HNF4G: variants seen among roughly 807,000 people sequenced by gnomAD.
HNF4G encodes hepatocyte nuclear factor 4 gamma, also known as hepatocyte nuclear factor 4-gamma.
In HNF4G, 21 loss-of-function variants were observed where a neutral mutation model predicts 50.9. The ratio of observed to expected loss-of-function variants is 0.41; its 90% confidence interval spans 0.29 to 0.59. The LOEUF (loss-of-function observed/expected upper bound fraction) is 0.59, where lower values mean the gene tolerates loss of function less well. Among genes scored for constraint, HNF4G ranks in the 20% least tolerant of loss-of-function variants. The pLI is 0.26. For synonymous variants in HNF4G, 198 were observed against 185.6 expected, an observed-to-expected ratio of 1.07 and a Z score of -0.54; for missense variants, 527 against 559.4, an observed-to-expected ratio of 0.94 and a Z score of 0.58.
chr8:75,417,945 AAATGTGTGTGTGTCTACACACAC>A (rs971918087), intron 1 of HNF4G, among the ~76,000 whole-genome samples: 2 of 148,988 alleles, frequency 1.3e-5, no homozygotes, highest in African/African-American at 2.5e-5. Context: ...AGTTAATTAT[AAATGTGTGTGTGTCTACACACAC>A]ACACACACAC....
At chr8:75,551,997 TAAC>T (rs776945306) in intron 4 of HNF4G, among the ~76,000 whole-genome samples, 18 of 152,154 alleles carry the variant, frequency 1.2e-4, no homozygotes, top group Non-Finnish European at 2.2e-4. Context: ...ATTTCTCAAA[TAAC>T]AGTTCTACAG....
At chr8:75,557,199 T>C (rs1289517711) in intron 6 of HNF4G, among the ~76,000 whole-genome samples, 3 of 152,238 alleles carry the variant, frequency 2.0e-5, no homozygotes, top group African/African-American at 4.8e-5. Flanking sequence ...TTACCCAGAA[T>C]AGTTAGGTAA....
chr8:75,420,970 A>C (rs1431278995), intron 1 of HNF4G, among the ~76,000 whole-genome samples: 1 of 152,264 alleles, frequency 6.6e-6, no homozygotes, highest in African/African-American at 2.4e-5. Context: ...CTAAAGCAGT[A>C]CTGGACAATG....
intron 1 of HNF4G, among the ~76,000 whole-genome samples, chr8:75,426,781 A>C (rs951058499): frequency 1.8e-4 from 28 of 152,322 alleles, no homozygotes; most frequent in African/African-American, 6.7e-4. Context: ...CGAAGAGGTA[A>C]TGATTGGCTA....
In HNF4G at chr8:75,462,685, C is replaced by T. The variant is rs192414442; in HGVS notation, c.-143-27404C>T. ...ATACAATCACAGAGATTAATGATCA[C>T]TACAATGATTACGGTAGTGTAATAT... On this transcript the variant is annotated intron_variant, in intron 1 of 10. Transcript: ENST00000354370. Among the ~76,000 whole-genome samples the T allele has an allele frequency of 1.2e-3, 186 of 152,164 alleles. 1 individual carries two copies. Among genetic ancestry groups the T allele is most frequent in the African/African-American group, 4.4e-3 (181 of 41,526 alleles).
chr8:75,485,701 C>T (rs533469356), intron 1 of HNF4G: 5 of 152,020 alleles, frequency 3.3e-5, no homozygotes, highest in Non-Finnish European at 7.4e-5. Context: ...AATTTTGTTC[C>T]TCAAACTCAC....
intron 2 of HNF4G, among the ~76,000 whole-genome samples, chr8:75,544,441 A>C (rs554353892): frequency 6.6e-6 from 1 of 152,270 alleles, no homozygotes; most frequent in South Asian, 2.1e-4. Context: ...TTTAAGTGCC[A>C]TTACATCCTA....
intron 2 of HNF4G, among the ~76,000 whole-genome samples, chr8:75,545,239 A>ATG (rs57486410): frequency 0.034 from 4,887 of 145,532 alleles, 89 homozygotes; most frequent in South Asian, 0.054. Flanking sequence ...TTAAAATTGA[A>ATG]TGTGTGTGTG....
chr8:75,487,258 T>A (rs958505197), intron 1 of HNF4G, among the ~76,000 whole-genome samples: 2 of 151,124 alleles, frequency 1.3e-5, no homozygotes, highest in African/African-American at 4.9e-5. Flanking sequence ...TATATTTTTT[T>A]ATTTTATTTA....
At chr8:75,423,934 C>T (rs1810835355) in intron 1 of HNF4G, among the ~76,000 whole-genome samples, 1 of 136,340 alleles carries the variant, frequency 7.3e-6, no homozygotes, top group African/African-American at 2.7e-5. Flanking sequence ...AGCAATTCTT[C>T]TGCCTCAGCC....
intron 1 of HNF4G, among the ~76,000 whole-genome samples, chr8:75,426,222 G>C (rs1219201201): frequency 6.6e-6 from 1 of 151,902 alleles, no homozygotes; most frequent in Non-Finnish European, 1.5e-5. Flanking sequence ...TACTGTTTTG[G>C]CTGTAAGCAC....
At chr8:75,527,311 C>T (rs1356513973) in intron 2 of HNF4G, among the ~76,000 whole-genome samples, 6 of 152,084 alleles carry the variant, frequency 3.9e-5, no homozygotes, top group Admixed American at 6.5e-5. Context: ...TAATGTTAAT[C>T]AACAATATAT....
At chr8:75,427,281 A>G (rs899233449) in intron 1 of HNF4G, among the ~76,000 whole-genome samples, 1 of 152,108 alleles carries the variant, frequency 6.6e-6, no homozygotes, top group African/African-American at 2.4e-5. Flanking sequence ...TAAAAATATT[A>G]AAAAATTAAG....
chr8:75,545,455 A>C (rs1233855010), intron 2 of HNF4G, among the ~76,000 whole-genome samples: 1 of 152,178 alleles, frequency 6.6e-6, no homozygotes, highest in East Asian at 1.9e-4. Flanking sequence ...CTTCCTATTA[A>C]GAATGCTACT....
At chr8:75,514,130 C>G (rs936971183) in intron 2 of HNF4G, among the ~76,000 whole-genome samples, 2 of 151,734 alleles carry the variant, frequency 1.3e-5, no homozygotes, top group Non-Finnish European at 2.9e-5. Flanking sequence ...ATATTAATAG[C>G]TAAATAAGCT....
At chr8:75,462,654 G>GA (rs887984531) in intron 1 of HNF4G, among the ~76,000 whole-genome samples, 25 of 152,254 alleles carry the variant, frequency 1.6e-4, no homozygotes, top group Admixed American at 1.4e-3. Context: ...ATTTAGTAGA[G>GA]AAAAAATACA....
intron 1 of HNF4G, among the ~76,000 whole-genome samples, chr8:75,459,109 C>T (rs924555321): frequency 6.6e-6 from 1 of 152,088 alleles, no homozygotes; most frequent in African/African-American, 2.4e-5. Context: ...AGCTATTTCA[C>T]CCTTCAGGCA....
At chr8:75,449,384 T>A (rs1811520556) in intron 1 of HNF4G, among the ~76,000 whole-genome samples, 1 of 149,946 alleles carries the variant, frequency 6.7e-6, no homozygotes, top group African/African-American at 2.5e-5. Flanking sequence ...AAATTTGGTT[T>A]AATTAACTAA....
At position 75,556,015 on chromosome 8, in the gene HNF4G, T is replaced by A. The variant is rs1361818837; in HGVS notation, c.679T>A (p.Leu227Ile). 6 of 1,587,690 alleles carry A rather than the reference T, an allele frequency of 3.8e-6. No individual in the cohort carries two copies. In the East Asian group the frequency reaches 1.3e-4, roughly 36 times the overall value. Residue 227 changes from leucine (L) to isoleucine (I), a missense_variant, in exon 6 of 10, where the codon TTA becomes ATA. By Grantham distance (5) the Leu-to-Ile change is conservative (BLOSUM62 2). Transcript: ENST00000396423. ...ALLRAHAGEH[L>I]LLGATKRSMM... ...GTTGAGAGCTCACGCAGGGGAGCAC[T>A]TACTGCTTGGAGCTACAAAGAGATC...
Sources: gnomAD v4.1 joint callset for allele counts (sites outside exome capture counted in the v4.1 genomes callset) on GRCh38, gnomAD v4.1.1 for gene constraint, MANE v1.5 for transcripts, NCBI Gene and HGNC (gene_info 2026-07-23, HGNC 2026-07-21) for gene names.